The following ANKRD28 variants were observed in gnomAD, a reference collection of about 807,000 sequenced individuals.
ANKRD28 encodes ankyrin repeat domain 28.
In ANKRD28, 44 loss-of-function variants were observed where a neutral mutation model predicts 126.5. The ratio of observed to expected loss-of-function variants is 0.35; its 90% confidence interval spans 0.27 to 0.45. ANKRD28 has a LOEUF of 0.45. Ranked by LOEUF, ANKRD28 falls within the 20% of genes least tolerant of loss-of-function variation. The pLI, the probability that ANKRD28 is intolerant of heterozygous loss-of-function variation, is 1.00. For missense variants in ANKRD28, 1,110 were observed against 1,316.6 expected (o/e 0.84, Z 2.43); for synonymous variants, 442 against 468.5 (o/e 0.94, Z 0.73).
intron 27 of ANKRD28, among the ~76,000 whole-genome samples, chr3:15,674,207 A>AGAG (rs1180137206): frequency 6.7e-6 from 1 of 148,800 alleles, no homozygotes; most frequent in African/African-American, 2.5e-5. Context: ...AAGAAGAAGA[A>AGAG]CCGAAATTCA....
intron 4 of ANKRD28, among the ~76,000 whole-genome samples, chr3:15,750,927 A>G (rs942452955): frequency 6.6e-6 from 1 of 152,196 alleles, no homozygotes; most frequent in Non-Finnish European, 1.5e-5. Flanking sequence ...TTATTTTTTA[A>G]GCTTTGCAAC....
intron 5 of ANKRD28, among the ~76,000 whole-genome samples, chr3:15,736,171 TAC>T (rs1451058486): frequency 6.6e-6 from 1 of 152,210 alleles, no homozygotes; most frequent in East Asian, 1.9e-4. Flanking sequence ...GTGACTACAC[TAC>T]AGTTACAGTG....
intron 8 of ANKRD28, among the ~76,000 whole-genome samples, chr3:15,716,634 A>G (rs1359412851): frequency 6.6e-6 from 1 of 152,124 alleles, no homozygotes; most frequent in Non-Finnish European, 1.5e-5. Flanking sequence ...TTCCATTGAT[A>G]AGAAGGATAA....
Position 15,797,471 on chromosome 3 carries a change from G to A in ANKRD28, c.-950C>T. On this transcript the variant is annotated 5_prime_UTR_variant, in exon 1 of 28. Transcript: ENST00000683139. ...CAGGCACCAGGCAGAAATGGTGTTA[G>A]TGGAGAATCCTAGTAGAACAAGCAG... The A allele has an allele frequency of 2.0e-6, 2 of 985,216 alleles. No individual in the cohort carries two copies. Among genetic ancestry groups the A allele is most frequent in the Non-Finnish European group, 2.4e-6 (2 of 829,918 alleles). 61.0% of individuals were successfully genotyped at this position (985,216 alleles called of 1,614,324 possible). A position where few individuals can be genotyped will look rare whatever the true frequency, so the allele number is the denominator to read the frequency against.
chr3:15,715,986 T>A (rs1203044406), intron 8 of ANKRD28, among the ~76,000 whole-genome samples: 2 of 151,872 alleles, frequency 1.3e-5, no homozygotes, highest in Non-Finnish European at 2.9e-5. Context: ...ATGGCCTTTT[T>A]TTTCTCTCTT....
intron 21 of ANKRD28, 139 bp downstream of exon 21, chr3:15,685,087 T>A: frequency 2.6e-6 from 2 of 775,046 alleles, no homozygotes; most frequent in Non-Finnish European, 4.2e-6. Context: ...GTACTAAGTA[T>A]TATTAGTACG....
intron 3 of ANKRD28, among the ~76,000 whole-genome samples, chr3:15,759,565 T>G (rs1575571702): frequency 6.6e-6 from 1 of 152,174 alleles, no homozygotes; most frequent in East Asian, 1.9e-4. Flanking sequence ...GTACAAATAC[T>G]TGGTTTCTGA....
intron 2 of ANKRD28, among the ~76,000 whole-genome samples, chr3:15,784,317 A>T (rs1271610975): frequency 6.6e-6 from 1 of 152,032 alleles, no homozygotes; most frequent in African/African-American, 2.4e-5. Flanking sequence ...GCTCACATAT[A>T]TGTGCTCATG....
At chr3:15,708,742 G>T (rs1231013529) in intron 13 of ANKRD28, among the ~76,000 whole-genome samples, 1 of 152,070 alleles carries the variant, frequency 6.6e-6, no homozygotes, top group Admixed American at 6.6e-5. Context: ...AGAGCAATCT[G>T]TTCTTCAAAG....
chr3:15,679,530 T>C lies in ANKRD28; in HGVS notation c.2423A>G (p.Gln808Arg). 6.2e-7 allele frequency: 1 copy of C among 1,613,434 alleles called. No homozygotes were observed. The change falls in exon 22 of 28, where the codon CAG (glutamine) becomes CGG (arginine). Residue 808 changes from glutamine to arginine, a missense_variant. Transcript: ENST00000683139. Reference sequence around the variant, plus strand: ...TCCTTCCGTTTTCTGGAAAACTTCCTGTTCTAAAAGCAGTTCTACACATGT... The same window carrying C: ...TCCTTCCGTTTTCTGGAAAACTTCCCGTTCTAAAAGCAGTTCTACACATGT... Reference protein sequence around the residue: ...HETCVELLLEQEVFQKTEGNA... With the variant: ...HETCVELLLEREVFQKTEGNA...
At chr3:15,818,889 T>C (rs890387157) in intron 1 of ANKRD28, among the ~76,000 whole-genome samples, 2 of 152,118 alleles carry the variant, frequency 1.3e-5, no homozygotes, top group African/African-American at 4.8e-5. Context: ...TAGAAATCAA[T>C]AAACTGATGT....
At chr3:15,689,897 T>A in intron 18 of ANKRD28, 122 bp downstream of exon 18, 1 of 858,646 alleles carries the variant, frequency 1.2e-6, no homozygotes. Flanking sequence ...AATCCATATA[T>A]GATTTGAAAA....
intron 1 of ANKRD28, among the ~76,000 whole-genome samples, chr3:15,819,338 T>A (rs758703255): frequency 1.3e-5 from 2 of 152,160 alleles, no homozygotes; most frequent in Non-Finnish European, 2.9e-5. Flanking sequence ...ATAGATCCAA[T>A]GGAAGGCGAC....
At chr3:15,742,385 C>T (rs1366488332) in intron 4 of ANKRD28, among the ~76,000 whole-genome samples, 4 of 149,124 alleles carry the variant, frequency 2.7e-5, no homozygotes, top group Admixed American at 6.6e-5. Context: ...GCCTCTGCCC[C>T]GCCGCCCCGT....
Position 15,846,759 on chromosome 3 carries a change from C to G in ANKRD28, c.27+12618G>C, listed in dbSNP as rs2061540343. On this transcript the variant is annotated intron_variant, in intron 1 of 27. Transcript: ENST00000399451. The surrounding 1 kb of genome is among the most constrained non-coding windows in gnomAD (Gnocchi z 5.4). ...GTGCCTGAGGAGGCTGGAGACAACCCAGGCTGAAAGAAGTTCAGTTCTCTT... is the reference window on the plus strand; with the variant it reads ...GTGCCTGAGGAGGCTGGAGACAACCGAGGCTGAAAGAAGTTCAGTTCTCTT... Among the ~76,000 whole-genome samples, 1 of 152,190 alleles carries G rather than the reference C, an allele frequency of 6.6e-6. No homozygotes were observed. Among genetic ancestry groups the G allele is most frequent in the African/African-American group, 2.4e-5 (1 of 41,438 alleles).
chr3:15,837,828 T>A (rs374886398), intron 1 of ANKRD28, among the ~76,000 whole-genome samples: 6 of 134,470 alleles, frequency 4.5e-5, no homozygotes, highest in East Asian at 4.3e-4. Context: ...AAGAAGAAAA[T>A]GAAAACCAAA....
chr3:15,684,804 G>A (rs1215901848), intron 21 of ANKRD28: 1 of 165,310 alleles, frequency 6.0e-6, no homozygotes, highest in Non-Finnish European at 1.3e-5. Context: ...TCCTAAAAAT[G>A]CAAAATATTT....
intron 2 of ANKRD28, among the ~76,000 whole-genome samples, chr3:15,781,807 G>A (rs962216742): frequency 6.6e-6 from 1 of 152,030 alleles, no homozygotes; most frequent in African/African-American, 2.4e-5. Context: ...GTGAGTTTAG[G>A]AGACAGTCTG....
At chr3:15,694,623 G>A in intron 17 of ANKRD28, 116 bp downstream of exon 17, 1 of 641,800 alleles carries the variant, frequency 1.6e-6, no homozygotes, top group Non-Finnish European at 2.5e-6. Flanking sequence ...TTAATTCCAT[G>A]ATAACTATTA....
Sources: allele counts gnomAD v4.1 joint callset (sites outside exome capture counted in the v4.1 genomes callset), GRCh38; gene constraint gnomAD v4.1.1; non-coding constraint Gnocchi (gnomAD v3.1); transcripts MANE v1.5; gene names NCBI Gene and HGNC (gene_info 2026-07-23, HGNC 2026-07-21).